The following FBXW8 variants were observed in gnomAD, a reference collection of about 807,000 sequenced individuals.
FBXW8 encodes F-box and WD repeat domain containing 8, also known as F-box/WD repeat-containing protein 8.
In FBXW8, 57 loss-of-function variants were observed where a neutral mutation model predicts 65.3. The observed-to-expected ratio is 0.87, with a 90% CI of 0.71 to 1.09. The LOEUF (loss-of-function observed/expected upper bound fraction) is 1.09. FBXW8 is among the 50% of genes least tolerant of loss of function. The pLI is 0.00. For missense variants in FBXW8, 777 were observed against 814.8 expected (o/e 0.95, Z 0.57); for synonymous variants, 308 against 330.2 (o/e 0.93, Z 0.73).
At chr12:116,953,817 A>C (rs1883446544) in intron 4 of FBXW8, among the ~76,000 whole-genome samples, 1 of 139,790 alleles carries the variant, frequency 7.2e-6, no homozygotes, top group African/African-American at 2.7e-5. Context: ...CAAACAAAAA[A>C]CAAGAAAAAC....
chr12:116,914,938 T>C (rs1399141706), intron 1 of FBXW8, among the ~76,000 whole-genome samples: 1 of 152,232 alleles, frequency 6.6e-6, no homozygotes. Context: ...AATAAAGTTA[T>C]AATTCATTGT....
chr12:117,026,570 C>T (rs1313052376), intron 9 of FBXW8, among the ~76,000 whole-genome samples: 1 of 152,146 alleles, frequency 6.6e-6, no homozygotes, highest in African/African-American at 2.4e-5. Flanking sequence ...AGCCCTGGCC[C>T]AGCCCACACA....
chr12:116,973,014 G>A (rs762161836), intron 5 of FBXW8, among the ~76,000 whole-genome samples: 1 of 152,166 alleles, frequency 6.6e-6, no homozygotes, highest in African/African-American at 2.4e-5. Context: ...AGTGCTTGAA[G>A]AATGATGACA....
intron 5 of FBXW8, among the ~76,000 whole-genome samples, chr12:116,973,756 C>T (rs915968478): frequency 1.3e-5 from 2 of 152,126 alleles, no homozygotes; most frequent in African/African-American, 4.8e-5. Context: ...GTCATCCTGG[C>T]TTGGGTTGTT....
At chr12:117,018,170 C>T (rs758374421) in intron 8 of FBXW8, among the ~76,000 whole-genome samples, 23 of 152,046 alleles carry the variant, frequency 1.5e-4, no homozygotes, top group Admixed American at 2.6e-4. Context: ...GGTGGGCTAC[C>T]GCCGACTCCT....
Position 117,028,217 on chromosome 12 carries a change from G to A in FBXW8, c.*45G>A, listed in dbSNP as rs1471895094. The A allele has an allele frequency of 1.9e-6, 3 of 1,606,202 alleles. No homozygotes were observed. The highest frequency in any genetic ancestry group is 3.3e-5 in the Admixed American group (2 of 59,848). ...GCAAGGAGAAAAATGGGAAGAACCA[G>A]TTTTATCCATCTTAAAACGCCAGGC... On this transcript the variant is annotated 3_prime_UTR_variant, in exon 11 of 11. Coordinates refer to ENST00000652555, the MANE Select transcript of FBXW8 (RefSeq NM_153348.3). This position sits in a 1 kb window ranked among gnomAD's most constrained non-coding sequence, Gnocchi z 4.1.
intron 1 of FBXW8, among the ~76,000 whole-genome samples, chr12:116,921,586 T>C (rs138683433): frequency 1.4e-3 from 215 of 152,328 alleles, no homozygotes; most frequent in African/African-American, 5.0e-3. Flanking sequence ...CCATTTCTTA[T>C]ATACTTGCTA....
Position 117,029,980 on chromosome 12 carries a change from A to T in FBXW8, c.*1808A>T, listed in dbSNP as rs1252025772. ...ATAAAACATAAAGGTACAGTGGTCTATGAGGAAGAGAAAAGGTACCTGAGG... is the reference window on the plus strand; with the variant it reads ...ATAAAACATAAAGGTACAGTGGTCTTTGAGGAAGAGAAAAGGTACCTGAGG... On this transcript the variant is annotated 3_prime_UTR_variant, in exon 11 of 11. Transcript: ENST00000652555. The T allele has an allele frequency of 2.0e-5, 3 of 152,118 alleles. No homozygotes were observed. The highest frequency in any genetic ancestry group is 4.8e-5 in the African/African-American group (2 of 41,426). 9.4% of individuals were successfully genotyped at this position (152,118 alleles called of 1,614,324 possible). A position where few individuals can be genotyped will look rare whatever the true frequency, so the allele number is the denominator to read the frequency against.
Position 117,030,839 on chromosome 12 carries a change from C to G in FBXW8, c.*2667C>G, listed in dbSNP as rs943559170. ...CACATCCTGGAATCAATCACACTGA[C>G]AGGGAAAGGATAAATGCTCCTTTAT... On this transcript the variant is annotated 3_prime_UTR_variant, in exon 11 of 11. Coordinates refer to ENST00000652555, the MANE Select transcript of FBXW8 (RefSeq NM_153348.3). 1.3e-5 allele frequency: 2 copies of G among 152,200 alleles called. No individual in the cohort carries two copies. The highest frequency in any genetic ancestry group is 4.8e-5 in the African/African-American group (2 of 41,410). 9.4% of individuals were successfully genotyped at this position (152,200 alleles called of 1,614,324 possible).
chr12:116,937,625 A>T (rs1383114591), intron 2 of FBXW8, among the ~76,000 whole-genome samples: 1 of 152,188 alleles, frequency 6.6e-6, no homozygotes, highest in Non-Finnish European at 1.5e-5. Context: ...GGTGACCTTG[A>T]CCAGGGTCAG....
At chr12:116,944,906 C>G (rs988853990) in intron 2 of FBXW8, among the ~76,000 whole-genome samples, 1 of 151,990 alleles carries the variant, frequency 6.6e-6, no homozygotes, top group Non-Finnish European at 1.5e-5. Flanking sequence ...TTTACCTGAC[C>G]AGATGTTTGG....
chr12:116,911,140 C>A lies in FBXW8; in HGVS notation c.103C>A (p.Arg35=). Residue 35 remains arginine, a synonymous_variant, in exon 1 of 11, where the codon CGG becomes AGG. Coordinates refer to ENST00000652555, the MANE Select transcript of FBXW8 (RefSeq NM_153348.3). ...GCGACGGCCCGAGGCTGCCGAGAGG[C>A]GGGCTCGGCGGCCGGAGGTGGGCTC... ...KRRRPEAAER[R]ARRPEVGSGR... is the part of the protein sequence containing the mutation. The A allele has an allele frequency of 3.7e-6, 5 of 1,350,256 alleles. No individual in the cohort carries two copies. The highest frequency in any genetic ancestry group is 4.7e-6 in the Non-Finnish European group (5 of 1,059,878). 83.6% of individuals were successfully genotyped at this position (1,350,256 alleles called of 1,614,324 possible). A position where few individuals can be genotyped will look rare whatever the true frequency, so the allele number is the denominator to read the frequency against.
chr12:116,918,734 C>T (rs1337004909), intron 1 of FBXW8, among the ~76,000 whole-genome samples: 1 of 152,188 alleles, frequency 6.6e-6, no homozygotes, highest in Non-Finnish European at 1.5e-5. Flanking sequence ...AAGGTGAGGT[C>T]AGCTCTGCCT....
At chr12:116,965,904 G>A (rs193039263) in intron 5 of FBXW8, among the ~76,000 whole-genome samples, 24 of 149,314 alleles carry the variant, frequency 1.6e-4, no homozygotes, top group Admixed American at 1.0e-3. Flanking sequence ...GACTACAGGC[G>A]CATGCCACCA....
At chr12:116,931,963 CTT>C (rs1881802923) in intron 2 of FBXW8, among the ~76,000 whole-genome samples, 1 of 152,028 alleles carries the variant, frequency 6.6e-6, no homozygotes, top group African/African-American at 2.4e-5. Context: ...CTAAGTATGA[CTT>C]TAGCTTTGGT....
rs1879879062 is a variant in FBXW8, at chr12:116,911,087, T to C, written c.50T>C (p.Leu17Pro). ...TTCCGTCGGCGCTGGCAGGAGGAGC[T>C]GGCGCAGGCCCAGGCGCCGAAGAAG... ...DEFRRRWQEE[L>P]AQAQAPKKRR... Residue 17 changes from leucine to proline, a missense_variant, in exon 1 of 11, where the codon CTG (leucine) becomes CCG (proline). Leu to Pro is a moderately conservative substitution (Grantham distance 98, BLOSUM62 -3). Coordinates refer to ENST00000652555, the MANE Select transcript of FBXW8 (RefSeq NM_153348.3). The C allele has an allele frequency of 1.4e-6, 2 of 1,432,140 alleles. No individual in the cohort carries two copies. The highest frequency in any genetic ancestry group is 1.5e-5 in the African/African-American group (1 of 65,988). 88.7% of individuals were successfully genotyped at this position (1,432,140 alleles called of 1,614,324 possible). A position where few individuals can be genotyped will look rare whatever the true frequency, so the allele number is the denominator to read the frequency against.
chr12:116,978,068 A>G (rs1885066463), intron 5 of FBXW8: 1 of 152,264 alleles, frequency 6.6e-6, no homozygotes, highest in South Asian at 2.1e-4. Flanking sequence ...TTGTCAATCT[A>G]AAATGCAGAT....
chr12:117,025,113 C>T (rs748289517), intron 9 of FBXW8, among the ~76,000 whole-genome samples: 7 of 152,184 alleles, frequency 4.6e-5, no homozygotes, highest in African/African-American at 7.2e-5. Flanking sequence ...CTGCAGGCCT[C>T]GAACAGGAGA....
rs966856030 is a variant in FBXW8 at position 116,948,547 on chromosome 12, C to G, written c.589-1071C>G. Among the ~76,000 whole-genome samples, 6 of 152,244 alleles carry G rather than the reference C, an allele frequency of 3.9e-5. No homozygotes were observed. The South Asian group carries it at 1.0e-3, about 26-fold the overall frequency. ...ATAATAGAAATAATAATAATAATGG[C>G]TACCACTTATTGAACACTTGCTGTA... On this transcript the variant is annotated intron_variant, in intron 3 of 10. Transcript: ENST00000652555.
Sources: gnomAD v4.1 joint callset for allele counts (sites outside exome capture counted in the v4.1 genomes callset) on GRCh38, gnomAD v4.1.1 for gene constraint, Gnocchi (gnomAD v3.1) non-coding constraint, MANE v1.5 for transcripts, NCBI Gene and HGNC (gene_info 2026-07-23, HGNC 2026-07-21) for gene names.